Variants in NME7 observed in about 807,000 individuals in gnomAD.
NME7 encodes the protein nucleoside diphosphate kinase 7.
Under a neutral mutation model 49.1 loss-of-function variants are expected in NME7, and 41 were observed. The observed-to-expected ratio is 0.83, with a 90% confidence interval of 0.65 to 1.08. The LOEUF (loss-of-function observed/expected upper bound fraction) is 1.08, where lower values mean the gene tolerates loss of function less well. NME7 is among the 50% of genes least tolerant of loss of function. The probability of loss-of-function intolerance (pLI) is 0.00; values close to 1 mark genes in which losing one functional copy is unlikely to be tolerated. For synonymous variants in NME7, 139 were observed against 150.6 expected (o/e 0.92, Z 0.56); for missense variants, 423 against 463.4 (o/e 0.91, Z 0.80).
At chr1:169,303,825 T>C (rs569062006) in intron 4 of NME7, among the ~76,000 whole-genome samples, 1 of 152,368 alleles carries the variant, frequency 6.6e-6, no homozygotes, top group African/African-American at 2.4e-5. Context: ...AGAATATTTG[T>C]TCTTTAAAGT....
rs576433762 is a variant in NME7 at position 169,230,891 on chromosome 1, G to A, written c.889-72C>T. On this transcript the variant is annotated intron_variant, in intron 9 of 11. Coordinates refer to ENST00000367811, the MANE Select transcript of NME7 (RefSeq NM_013330.5). Reference sequence around the variant, plus strand: ...ACTCTCCCCTTTTAATTGTTTCACTGTTCCACTAATGTCCTTAAAGTCATC... The same window carrying A: ...ACTCTCCCCTTTTAATTGTTTCACTATTCCACTAATGTCCTTAAAGTCATC... 2.6e-5 allele frequency: 26 copies of A among 1,005,232 alleles called. No individual in the cohort carries two copies. In the African/African-American group the frequency reaches 3.4e-4, roughly 13 times the overall value. The allele number at this position is 1,005,232 out of a possible 1,614,324, so 62.3% of individuals were successfully genotyped here.
chr1:169,298,811 G>A (rs1235578211), intron 5 of NME7, 48 bp from the exon 6 acceptor site: 4 of 1,460,956 alleles, frequency 2.7e-6, no homozygotes, highest in Non-Finnish European at 3.8e-6. Context: ...CTGTCAACTA[G>A]GTATTTGTCT....
At chr1:169,339,158 T>C (rs1652589480) in intron 1 of NME7, among the ~76,000 whole-genome samples, 1 of 152,162 alleles carries the variant, frequency 6.6e-6, no homozygotes, top group Non-Finnish European at 1.5e-5. Context: ...CACTCTTCCA[T>C]ATTCAAAAAA....
Position 169,230,819 on chromosome 1 carries a change from C to A in NME7, c.889G>T (p.Asp297Tyr), listed in dbSNP as rs771547459. The change falls in exon 10 of 12, where the codon GAC (aspartate) becomes TAC (tyrosine). Residue 297 changes from aspartate to tyrosine, a missense_variant and splice_region_variant. Physicochemically the swap from Asp to Tyr is radical, Grantham distance 160. Coordinates refer to ENST00000367811, the MANE Select transcript of NME7 (RefSeq NM_013330.5). ...VYKGVVTEYHDMVTEMYSGPC... is the reference protein window; with the variant it reads ...VYKGVVTEYHYMVTEMYSGPC... The stretch of plus-strand genomic sequence containing the variant: ...CCAGAATACATTTCTGTCACCATGT[C>A]CTATGATATGTAATATAAAAGAATG... 4 of 1,566,590 alleles carry A rather than the reference C, an allele frequency of 2.6e-6. No homozygotes were observed. Among genetic ancestry groups the A allele is most frequent in the Non-Finnish European group, 3.5e-6 (4 of 1,151,764 alleles).
chr1:169,356,370 T>C (rs944329623), intron 1 of NME7, among the ~76,000 whole-genome samples: 7 of 152,058 alleles, frequency 4.6e-5, no homozygotes, highest in Admixed American at 2.0e-4. Flanking sequence ...ACTGGAGTTG[T>C]TACTTTAGAA....
chr1:169,326,468 G>A lies in NME7; in HGVS notation c.4-1968C>T, dbSNP rs937227960. 9.9e-5 allele frequency among the ~76,000 whole-genome samples: 15 copies of A among 152,196 alleles called. No homozygotes were observed. The South Asian group carries it at 2.3e-3, about 23-fold the overall frequency. On this transcript the variant is annotated intron_variant, in intron 1 of 11. Transcript: ENST00000367811. ...AACATTCATTGCGTTGTCTTTACTCGTAAGACATGTGCTGAGTCTCAAGTC... is the reference window on the plus strand; with the variant it reads ...AACATTCATTGCGTTGTCTTTACTCATAAGACATGTGCTGAGTCTCAAGTC...
intron 3 of NME7, among the ~76,000 whole-genome samples, chr1:169,318,976 G>T (rs562540262): frequency 6.6e-6 from 1 of 151,526 alleles, no homozygotes; most frequent in South Asian, 2.1e-4. Flanking sequence ...ATTCCAGTTG[G>T]GATGGAAGAA....
Position 169,143,287 on chromosome 1 carries a change from T to TG in NME7, c.1099-10471_1099-10470insC, listed in dbSNP as rs1285748235. Among the ~76,000 whole-genome samples the TG allele has an allele frequency of 3.3e-5, 5 of 151,336 alleles. No individual in the cohort carries two copies. In the East Asian group the frequency reaches 9.7e-4, roughly 29 times the overall value. On this transcript the variant is annotated intron_variant, in intron 11 of 11. Coordinates refer to ENST00000367811, the MANE Select transcript of NME7 (RefSeq NM_013330.5). The stretch of plus-strand genomic sequence containing the variant: ...GTCACCTCAGGCTTTTTTTTTTTTT[T>TG]TTTTGCATTTTATATTTCTTCTTTC...
chr1:169,249,027 G>A (rs1217469223), intron 7 of NME7, among the ~76,000 whole-genome samples: 1 of 152,050 alleles, frequency 6.6e-6, no homozygotes, highest in African/African-American at 2.4e-5. Flanking sequence ...GAAAAATGAT[G>A]TTGGTATTTT....
intron 1 of NME7, among the ~76,000 whole-genome samples, chr1:169,351,525 A>G (rs1653171994): frequency 6.6e-6 from 1 of 152,018 alleles, no homozygotes; most frequent in South Asian, 2.1e-4. Context: ...TTAGAAAATT[A>G]CAAAACCTGG....
intron 11 of NME7, among the ~76,000 whole-genome samples, chr1:169,137,045 C>T (rs1658454006): frequency 6.6e-6 from 1 of 152,242 alleles, no homozygotes; most frequent in African/African-American, 2.4e-5. Context: ...TGTGTCACTA[C>T]ACTAGATTTT....
At chr1:169,202,818 G>A (rs982499762) in intron 10 of NME7, among the ~76,000 whole-genome samples, 1 of 152,176 alleles carries the variant, frequency 6.6e-6, no homozygotes, top group African/African-American at 2.4e-5. Context: ...AGAAATTTAT[G>A]CTGAGCAGTT....
At chr1:169,278,076 CCCTTTGTGGGTAACCCGA>C (rs1417147927) in intron 7 of NME7, among the ~76,000 whole-genome samples, 53 of 151,712 alleles carry the variant, frequency 3.5e-4, no homozygotes, top group African/African-American at 1.3e-3. Context: ...TGATGGGCTT[CCCTTTGTGGGTAACCCGA>C]CCTTTCTCTC....
At chr1:169,194,547 C>A (rs184701351) in intron 10 of NME7, among the ~76,000 whole-genome samples, 1 of 152,326 alleles carries the variant, frequency 6.6e-6, no homozygotes, top group East Asian at 1.9e-4. Context: ...AACCAACCCA[C>A]TTTTTGTTTT....
intron 6 of NME7, among the ~76,000 whole-genome samples, chr1:169,291,646 TATAATA>T (rs36042457): frequency 4.7e-5 from 7 of 149,450 alleles, no homozygotes; most frequent in East Asian, 2.0e-4. Context: ...GAACTTAAAG[TATAATA>T]ATAATAATAA....
At chr1:169,178,513 A>G (rs1320580007) in intron 10 of NME7, among the ~76,000 whole-genome samples, 1 of 152,110 alleles carries the variant, frequency 6.6e-6, no homozygotes, top group Non-Finnish European at 1.5e-5. Flanking sequence ...TCTTGAAATC[A>G]ATAGCTCCAG....
chr1:169,301,189 G>T (rs1443622840), intron 5 of NME7, among the ~76,000 whole-genome samples: 2 of 151,962 alleles, frequency 1.3e-5, no homozygotes, highest in Admixed American at 1.3e-4. Context: ...TTCAACAAAG[G>T]ACTAATATGC....
At chr1:169,312,137 G>T (rs888660488) in intron 3 of NME7, among the ~76,000 whole-genome samples, 4 of 152,218 alleles carry the variant, frequency 2.6e-5, no homozygotes, top group South Asian at 2.1e-4. Context: ...GCTGTGCAAT[G>T]GTTTCACCTA....
At chr1:169,261,373 G>A (rs1649157310) in intron 7 of NME7, among the ~76,000 whole-genome samples, 1 of 133,586 alleles carries the variant, frequency 7.5e-6, no homozygotes, top group Admixed American at 7.3e-5. Flanking sequence ...GCACTGTCTA[G>A]CAACAGATCA....
Sources: gnomAD v4.1 joint callset for allele counts (sites outside exome capture counted in the v4.1 genomes callset) on GRCh38, gnomAD v4.1.1 for gene constraint, MANE v1.5 for transcripts, NCBI Gene and HGNC (gene_info 2026-07-23, HGNC 2026-07-21) for gene names.